DYNLT1: variants seen among roughly 807,000 people sequenced by gnomAD.
DYNLT1 encodes T-complex testis-specific protein 1 homolog.
DYNLT1 carries 18 observed loss-of-function variants against 19.6 expected under a neutral mutation model. The ratio of observed to expected loss-of-function variants is 0.92; its 90% CI spans 0.64 to 1.36. DYNLT1 has a LOEUF of 1.36. Among genes scored for constraint, DYNLT1 ranks in the 40% most tolerant of loss-of-function variants. The pLI is 0.00. For missense variants in DYNLT1, 137 were observed against 139.3 expected (o/e 0.98, Z 0.08); for synonymous variants, 56 against 44.0 (o/e 1.27, Z -1.07).
At chr6:158,644,532 G>T in intron 1 of DYNLT1, 150 bp downstream of exon 1, 1 of 880,390 alleles carries the variant, frequency 1.1e-6, no homozygotes, top group Non-Finnish European at 1.7e-6. Context: ...GCCGGGCGGA[G>T]CGCCGGCGAC....
At position 158,636,849 on chromosome 6, in the gene DYNLT1, C is replaced by A. The variant is rs763673130; in HGVS notation, c.320G>T (p.Ser107Ile). 51 of 1,612,538 alleles carry A rather than the reference C, an allele frequency of 3.2e-5. No homozygotes were observed. Among genetic ancestry groups the A allele is most frequent in the Non-Finnish European group, 4.1e-5 (48 of 1,179,382 alleles). Residue 107 changes from serine to isoleucine, a missense_variant, in exon 5 of 5, where the codon AGT becomes ATT. Ser to Ile is a moderately radical substitution (Grantham distance 142). Coordinates refer to ENST00000367089, the MANE Select transcript of DYNLT1 (RefSeq NM_006519.4). ...AGGTCAAATAGACAGTCCGAAGGCA[C>A]TGACGATGCAGTACATGGTCTTATT... ...WENKTMYCIV[S>I]AFGLSI
chr6:158,637,383 T>TA (rs1188602578), intron 3 of DYNLT1, 178 bp from the exon 4 acceptor site: 1 of 639,556 alleles, frequency 1.6e-6, no homozygotes, highest in Non-Finnish European at 2.8e-6. Flanking sequence ...CTCCTTGACT[T>TA]ACAACATCCC....
chr6:158,638,023 C>CA, intron 2 of DYNLT1, 129 bp from the exon 3 acceptor site: 4 of 1,392,084 alleles, frequency 2.9e-6, no homozygotes, highest in Non-Finnish European at 3.9e-6. Context: ...GGTGCCTTTG[C>CA]AAATATACTT....
At chr6:158,643,602 C>G (rs1168379712) in intron 1 of DYNLT1, among the ~76,000 whole-genome samples, 3 of 152,202 alleles carry the variant, frequency 2.0e-5, no homozygotes, top group African/African-American at 7.2e-5. Flanking sequence ...CTGCCTCGGC[C>G]TCCCGAATAG....
intron 2 of DYNLT1, among the ~76,000 whole-genome samples, chr6:158,638,783 C>T (rs1437645579): frequency 1.3e-5 from 2 of 152,158 alleles, no homozygotes; most frequent in Non-Finnish European, 2.9e-5. Flanking sequence ...ACGTTTACTT[C>T]TTTATCTATG....
rs952045872 is a variant in DYNLT1, at chr6:158,637,786, G to A, written c.178C>T (p.Pro60Ser). 6.2e-7 allele frequency: 1 copy of A among 1,614,098 alleles called. No homozygotes were observed. The highest frequency in any genetic ancestry group is 8.5e-7 in the Non-Finnish European group (1 of 1,180,032). ...TLSQLTKLGK[P>S]FKYIVTCVIM... is the part of the protein sequence containing the mutation. ...ACTCCATTACCGATGTATTTAAATG[G>A]TTTTCCCAGCTTGGTGAGTTGGCTT... The change falls in exon 3 of 5, where the codon CCA becomes TCA. Residue 60 changes from proline (P) to serine (S), a missense_variant. Transcript: ENST00000367089.
At chr6:158,637,578 C>CACAT in intron 3 of DYNLT1, 193 bp downstream of exon 3, 1 of 802,840 alleles carries the variant, frequency 1.2e-6, no homozygotes, top group Non-Finnish European at 2.0e-6. Context: ...GATCCCGCTT[C>CACAT]ACATACGATC....
At chr6:158,644,597 G>C in intron 1 of DYNLT1, 85 bp downstream of exon 1, 2 of 1,545,672 alleles carry the variant, frequency 1.3e-6, no homozygotes, top group Non-Finnish European at 1.8e-6. Flanking sequence ...GAGGTGGGCA[G>C]CCAGGCCTTT....
In DYNLT1 at chr6:158,644,713, C is replaced by T. The variant is rs748188344; in HGVS notation, c.-5G>A. 26 of 1,611,438 alleles carry T rather than the reference C, an allele frequency of 1.6e-5. No individual in the cohort carries two copies. In the Middle Eastern group the frequency reaches 4.9e-4, roughly 31 times the overall value. On this transcript the variant is annotated 5_prime_UTR_variant, in exon 1 of 5. Transcript: ENST00000367089. ...CGCAGCCTGGTAGTCTTCCATCTTT[C>T]CTCCGGCGCGTCCCCTCCGGCTCCC...
In DYNLT1 at chr6:158,639,677, GTTTGT is replaced by G. The variant is rs201635296; in HGVS notation, c.69+1637_69+1641del. ...ATGTTTCCATGTGGATTGGAAATGT[GTTTGT>G]TTTGTTTTGTTTTTTTAAGACAGAG... On this transcript the variant is annotated intron_variant, in intron 2 of 4. Transcript: ENST00000367089. Among the ~76,000 whole-genome samples, 763 of 152,186 alleles carry G rather than the reference GTTTGT, an allele frequency of 5.0e-3. 5 individuals carry two copies. Among genetic ancestry groups the G allele is most frequent in the African/African-American group, 0.014 (576 of 41,524 alleles).
chr6:158,643,670 G>A (rs992997548), intron 1 of DYNLT1, among the ~76,000 whole-genome samples: 3 of 151,998 alleles, frequency 2.0e-5, no homozygotes, highest in African/African-American at 7.2e-5. Flanking sequence ...TAAAAGAGAC[G>A]GGGTTTCTCC....
At chr6:158,643,053 G>A (rs1455620744) in intron 1 of DYNLT1, among the ~76,000 whole-genome samples, 1 of 152,088 alleles carries the variant, frequency 6.6e-6, no homozygotes, top group East Asian at 1.9e-4. Context: ...TCCATCCCAG[G>A]TAGAACACTC....
intron 1 of DYNLT1, among the ~76,000 whole-genome samples, chr6:158,642,988 A>G (rs1787172043): frequency 6.6e-6 from 1 of 152,224 alleles, no homozygotes; most frequent in Admixed American, 6.5e-5. Flanking sequence ...GCCATTCAGT[A>G]AATACCTAAG....
At position 158,637,048 on chromosome 6, in the gene DYNLT1, T is replaced by C. The variant is rs574590014; in HGVS notation, c.271+80A>G. ...TAAATGTTTTAAAAGGTGATAAACA[T>C]GCATTGCATTCAAAGATAGGAAACT... On this transcript the variant is annotated intron_variant, in intron 4 of 4. Transcript: ENST00000367089. 5 of 1,572,566 alleles carry C rather than the reference T, an allele frequency of 3.2e-6. No individual in the cohort carries two copies. In the South Asian group the frequency reaches 5.6e-5, roughly 18 times the overall value.
chr6:158,637,566 A>G, intron 3 of DYNLT1: 2 of 749,188 alleles, frequency 2.7e-6, no homozygotes, highest in Non-Finnish European at 4.5e-6. Context: ...GACCTCCTGT[A>G]AGATCCCGCT....
chr6:158,638,423 G>A (rs1056755424), intron 2 of DYNLT1, among the ~76,000 whole-genome samples: 3 of 152,150 alleles, frequency 2.0e-5, no homozygotes, highest in Non-Finnish European at 4.4e-5. Flanking sequence ...TTTATGATGA[G>A]ATTTTTTTAT....
rs768677608 is a variant in DYNLT1 at position 158,636,689 on chromosome 6, G to A, written c.*138C>T. ...TTCGGTGCCATTCACATCACAGTGC[G>A]GTCATTTGGTTTTTTCCTCTACATT... On this transcript the variant is annotated 3_prime_UTR_variant, in exon 5 of 5. Transcript: ENST00000367089. The A allele has an allele frequency of 5.5e-5, 52 of 941,314 alleles. No homozygotes were observed. The highest frequency in any genetic ancestry group is 2.3e-4 in the African/African-American group (14 of 60,628). The allele number at this position is 941,314 out of a possible 1,614,324, so 58.3% of individuals were successfully genotyped here. A position where few individuals can be genotyped will look rare whatever the true frequency, so the allele number is the denominator to read the frequency against.
intron 1 of DYNLT1, among the ~76,000 whole-genome samples, chr6:158,643,180 C>T (rs1384798035): frequency 6.6e-6 from 1 of 152,166 alleles, no homozygotes; most frequent in African/African-American, 2.4e-5. Context: ...AAGCGCTTTC[C>T]TTTACAAAGC....
intron 3 of DYNLT1, 193 bp from the exon 4 acceptor site, chr6:158,637,398 A>G: frequency 1.6e-6 from 1 of 627,500 alleles, no homozygotes; most frequent in East Asian, 2.8e-5. Context: ...CATCCCATAA[A>G]CCCATCATAA....
Sources: allele counts gnomAD v4.1 joint callset (sites outside exome capture counted in the v4.1 genomes callset), GRCh38; gene constraint gnomAD v4.1.1; transcripts MANE v1.5; gene names NCBI Gene and HGNC (gene_info 2026-07-23, HGNC 2026-07-21).